Variants in SVOPL observed in about 807,000 individuals in gnomAD.
SVOPL encodes putative transporter SVOPL.
A neutral mutation model predicts 61.0 loss-of-function variants in SVOPL; 60 were observed. The ratio of observed to expected loss-of-function variants is 0.98; its 90% CI spans 0.80 to 1.22. The LOEUF is 1.22. Among genes scored for constraint, SVOPL ranks in the 50% most tolerant of loss-of-function variants. The pLI, the probability that SVOPL is intolerant of heterozygous loss-of-function variation, is 0.00. For synonymous variants in SVOPL, 279 were observed against 250.0 expected (o/e 1.12, Z -1.09); for missense variants, 662 against 643.9 (o/e 1.03, Z -0.30).
intron 1 of SVOPL, among the ~76,000 whole-genome samples, chr7:138,697,428 CT>C (rs1803085848): frequency 6.6e-6 from 1 of 151,534 alleles, no homozygotes; most frequent in East Asian, 1.9e-4. Context: ...AGAGTGAGAC[CT>C]GGTCTCTACA....
rs778275252 is a variant in SVOPL, at chr7:138,659,904, G to A, written c.430C>T (p.Arg144Trp). Residue 144 changes from arginine to tryptophan, a missense_variant, in exon 6 of 16, where the codon CGG becomes TGG. By Grantham distance (101) the Arg-to-Trp change is moderately radical (BLOSUM62 -3). Coordinates refer to ENST00000674285, the MANE Select transcript of SVOPL (RefSeq NM_001139456.2). ...APSYIWFVFL[R>W]TMVGCGVSGH... ...GACACACCACAGCCCACCATCGTCC[G>A]CAGGAAGACAAACCAGATGTACGAA... 3.3e-5 allele frequency: 51 copies of A among 1,551,476 alleles called. No individual in the cohort carries two copies. In the South Asian group the frequency reaches 4.0e-4, roughly 12 times the overall value.
intron 14 of SVOPL, 137 bp downstream of exon 14, chr7:138,620,909 C>T (rs563963772): frequency 1.3e-6 from 1 of 788,264 alleles, no homozygotes; most frequent in Non-Finnish European, 2.1e-6. Flanking sequence ...ATCCACCAAA[C>T]AGCAGGGAAA....
At chr7:138,690,770 TTC>T (rs1802922587) in intron 1 of SVOPL, among the ~76,000 whole-genome samples, 2 of 151,944 alleles carry the variant, frequency 1.3e-5, no homozygotes, top group Admixed American at 6.6e-5. Context: ...TTTTCTTTCT[TTC>T]TTTCTTTCTT....
chr7:138,649,884 G>A (rs1398252158), intron 7 of SVOPL, among the ~76,000 whole-genome samples: 2 of 151,868 alleles, frequency 1.3e-5, no homozygotes, highest in Non-Finnish European at 2.9e-5. Flanking sequence ...CAGACTGGAG[G>A]GCAGTGGCAC....
In SVOPL at chr7:138,644,746, G is replaced by A. The variant is rs571787686; in HGVS notation, c.760C>T (p.Pro254Ser). Residue 254 changes from proline (P) to serine (S), a missense_variant, in exon 9 of 16, where the codon CCG becomes TCG. Physicochemically the swap from Pro to Ser is moderately conservative, Grantham distance 74. Coordinates refer to ENST00000674285, the MANE Select transcript of SVOPL (RefSeq NM_001139456.2). The part of the protein sequence containing the change: ...RVAKMNRSVM[P>S]EGKLVEPVLE... Reference sequence around the variant, plus strand: ...ACGGGCTCCACCAGCTTCCCCTCCGGCATGACCGAGCGGTTCATCTTGGCA... The same window carrying A: ...ACGGGCTCCACCAGCTTCCCCTCCGACATGACCGAGCGGTTCATCTTGGCA... The A allele has an allele frequency of 3.8e-5, 62 of 1,614,120 alleles. No homozygotes were observed. In the South Asian group the frequency reaches 5.9e-4, roughly 15 times the overall value.
intron 14 of SVOPL, chr7:138,597,348 C>G: frequency 1.6e-6 from 1 of 632,850 alleles, no homozygotes; most frequent in East Asian, 7.4e-5. Context: ...GACTAAGTGA[C>G]TAGTCTCAGT....
At chr7:138,609,585 G>A (rs1477733256) in intron 14 of SVOPL, among the ~76,000 whole-genome samples, 1 of 152,002 alleles carries the variant, frequency 6.6e-6, no homozygotes, top group Admixed American at 6.6e-5. Flanking sequence ...TGTGAGCCCA[G>A]GAAGTTGAGG....
At chr7:138,693,556 AG>A (rs1362335100) in intron 1 of SVOPL, among the ~76,000 whole-genome samples, 105 of 131,212 alleles carry the variant, frequency 8.0e-4, no homozygotes, top group African/African-American at 3.7e-3. Context: ...AAAGAAAGAA[AG>A]AAAGAAAGAA....
chr7:138,648,590 C>T (rs983397208), intron 8 of SVOPL, among the ~76,000 whole-genome samples: 1 of 150,832 alleles, frequency 6.6e-6, no homozygotes, highest in African/African-American at 2.4e-5. Context: ...CGCCTGTAGT[C>T]CCAGCTACTC....
intron 4 of SVOPL, among the ~76,000 whole-genome samples, chr7:138,667,348 T>A (rs1802291798): frequency 6.6e-6 from 1 of 152,174 alleles, no homozygotes; most frequent in Admixed American, 6.5e-5. Flanking sequence ...GACATGTCCA[T>A]TGTAACTTAG....
chr7:138,670,396 A>G (rs1246531925), intron 4 of SVOPL, among the ~76,000 whole-genome samples: 1 of 152,150 alleles, frequency 6.6e-6, no homozygotes, highest in Non-Finnish European at 1.5e-5. Context: ...TACTCCTGTA[A>G]ATAACATCAC....
chr7:138,631,755 G>A (rs1800201988), intron 9 of SVOPL, among the ~76,000 whole-genome samples: 1 of 151,860 alleles, frequency 6.6e-6, no homozygotes, highest in Non-Finnish European at 1.5e-5. Context: ...TTTTAGTAGA[G>A]ACGGGGTTTT....
intron 7 of SVOPL, among the ~76,000 whole-genome samples, chr7:138,653,944 AAAAAG>A (rs1178892285): frequency 0.038 from 1,940 of 50,462 alleles, 44 homozygotes; most frequent in African/African-American, 0.081. Context: ...AAAAAAAAAA[AAAAAG>A]AAAAGAAAAG....
Position 138,594,561 on chromosome 7 carries a change from G to T in SVOPL, c.*49C>A. The T allele has an allele frequency of 6.4e-7, 1 of 1,570,238 alleles. No individual in the cohort carries two copies. The highest frequency in any genetic ancestry group is 8.6e-7 in the Non-Finnish European group (1 of 1,158,354). On this transcript the variant is annotated 3_prime_UTR_variant, in exon 16 of 16. Transcript: ENST00000674285. ...TTTTAAAAAAATGCACCGCAGTTCT[G>T]AAGATAGAATTCATTTTTCTCATCT...
chr7:138,653,194 G>A (rs887296127), intron 7 of SVOPL, among the ~76,000 whole-genome samples: 8 of 152,152 alleles, frequency 5.3e-5, no homozygotes, highest in Admixed American at 3.3e-4. Flanking sequence ...CGCTGTCTCC[G>A]TAACATAGAA....
At chr7:138,675,243 AG>A (rs1299388100) in intron 3 of SVOPL, among the ~76,000 whole-genome samples, 1 of 150,272 alleles carries the variant, frequency 6.7e-6, no homozygotes, top group Non-Finnish European at 1.5e-5. Flanking sequence ...TCAAAAAAAA[AG>A]AAAAAAGAAA....
chr7:138,687,469 C>G (rs1019911078), intron 1 of SVOPL, among the ~76,000 whole-genome samples: 1 of 151,640 alleles, frequency 6.6e-6, no homozygotes, highest in Non-Finnish European at 1.5e-5. Flanking sequence ...CTCCTGACCT[C>G]AGGTGATCCG....
At chr7:138,638,164 T>A (rs952313843) in intron 9 of SVOPL, among the ~76,000 whole-genome samples, 1 of 151,438 alleles carries the variant, frequency 6.6e-6, no homozygotes, top group South Asian at 2.1e-4. Context: ...TCCCAGCTAC[T>A]TGAGGGGCTA....
chr7:138,596,139 A>G (rs1389343583), intron 15 of SVOPL, among the ~76,000 whole-genome samples: 1 of 150,578 alleles, frequency 6.6e-6, no homozygotes, highest in Non-Finnish European at 1.5e-5. Context: ...CAGTGAGCCA[A>G]GATCACACCA....
Sources: allele counts gnomAD v4.1 joint callset (sites outside exome capture counted in the v4.1 genomes callset), GRCh38; gene constraint gnomAD v4.1.1; transcripts MANE v1.5; gene names NCBI Gene and HGNC (gene_info 2026-07-23, HGNC 2026-07-21).